RNF31: variants seen among roughly 807,000 people sequenced by gnomAD.
The protein encoded by RNF31 is E3 ubiquitin-protein ligase RNF31.
RNF31 carries 38 observed loss-of-function variants against 133.6 expected under a neutral mutation model. The observed-to-expected ratio is 0.28, with a 90% CI of 0.22 to 0.37. The LOEUF (loss-of-function observed/expected upper bound fraction) is 0.37. Ranked by LOEUF, RNF31 falls within the 10% of genes least tolerant of loss-of-function variation. The pLI is 1.00. For synonymous variants in RNF31, 582 were observed against 552.3 expected, an observed-to-expected ratio of 1.05 and a Z score of -0.75; for missense variants, 1,118 against 1,394.1, an observed-to-expected ratio of 0.80 and a Z score of 3.15.
intron 14 of RNF31, among the ~76,000 whole-genome samples, chr14:24,156,301 G>T (rs758505862): frequency 6.6e-6 from 1 of 151,974 alleles, no homozygotes; most frequent in Admixed American, 6.6e-5. Flanking sequence ...TTTATCTTTC[G>T]TTTATTTATT....
chr14:24,152,867 G>A (rs1025051696), intron 11 of RNF31, among the ~76,000 whole-genome samples: 4 of 152,128 alleles, frequency 2.6e-5, no homozygotes, highest in Non-Finnish European at 5.9e-5. Context: ...CGATCATGAG[G>A]TCAGGAGATC....
intron 15 of RNF31, 26 bp from the exon 16 acceptor site, chr14:24,157,494 C>CAGCCCT (rs746005702): frequency 6.2e-7 from 1 of 1,608,412 alleles, no homozygotes; most frequent in South Asian, 1.1e-5. Flanking sequence ...GCGGCAGCTC[C>CAGCCCT]AGCCCTGACC....
chr14:24,150,642 C>T lies in RNF31; in HGVS notation c.1242C>T (p.Tyr414=), dbSNP rs2139079755. The T allele has an allele frequency of 6.2e-7, 1 of 1,614,204 alleles. No homozygotes were observed. The highest frequency in any genetic ancestry group is 2.2e-5 in the East Asian group (1 of 44,896). Residue 414 remains tyrosine (Y), a synonymous_variant, in exon 8 of 21, where the codon TAC becomes TAT. Coordinates refer to ENST00000324103, the MANE Select transcript of RNF31 (RefSeq NM_017999.5). ...LLASAQSQVW[Y]CIHCTFCNSS... ...CCTCTGCCCAGAGTCAAGTCTGGTA[C>T]TGTATTCACTGTACCTTCTGCAACT...
In RNF31 at chr14:24,157,524, C is replaced by T; in HGVS notation, c.2613C>T (p.Cys871=). 1 of 1,614,026 alleles carries T rather than the reference C, an allele frequency of 6.2e-7. No homozygotes were observed. Among genetic ancestry groups the T allele is most frequent in the South Asian group, 1.1e-5 (1 of 91,088 alleles). Residue 871 remains cysteine, a synonymous_variant, in exon 16 of 21, where the codon TGC becomes TGT. Transcript: ENST00000324103. ...AMYLQENGID[C]PKCKFSYALA... is the part of the protein sequence containing the mutation. Reference sequence around the variant, plus strand: ...CTGACCTCTTGTCCTTTGCAGACTGCCCCAAATGCAAGTTCTCGTACGCCC... The same window carrying T: ...CTGACCTCTTGTCCTTTGCAGACTGTCCCAAATGCAAGTTCTCGTACGCCC...
rs547379151 is a variant in RNF31 at position 24,148,787 on chromosome 14, C to T, written c.556-14C>T. Reference sequence around the variant, plus strand: ...CCCTAAACCCTTATTCATTCCCTGCCCTTTCTTTTTCAGATGCTGCAGCTT... The same window carrying T: ...CCCTAAACCCTTATTCATTCCCTGCTCTTTCTTTTTCAGATGCTGCAGCTT... On this transcript the variant is annotated splice_polypyrimidine_tract_variant and intron_variant, in intron 4 of 20. Transcript: ENST00000324103. The T allele has an allele frequency of 1.2e-5, 19 of 1,614,072 alleles. No homozygotes were observed. The highest frequency in any genetic ancestry group is 1.1e-4 in the South Asian group (10 of 91,086).
intron 6 of RNF31, 49 bp from the exon 7 acceptor site, chr14:24,150,012 C>G: frequency 5.9e-6 from 9 of 1,514,126 alleles, no homozygotes; most frequent in Non-Finnish European, 7.9e-6. Flanking sequence ...GTGAGGGATC[C>G]AGGCACCAGG....
rs766162685 is a variant in RNF31, at chr14:24,155,498, T to C, written c.2389T>C (p.Leu797=). Residue 797 remains leucine (L), a synonymous_variant, in exon 13 of 21, where the codon TTG becomes CTG. Coordinates refer to ENST00000324103, the MANE Select transcript of RNF31 (RefSeq NM_017999.5). This position sits in a 1 kb window ranked among gnomAD's most constrained non-coding sequence, Gnocchi z 4.9. ...TGTGCTGATGCGGGACCCCAAGTTC[T>C]TGTGGTGTGCCCAGGTAAGTGGCCT... ...EGVLMRDPKF[L]WCAQCSFGFI... 1 of 1,614,212 alleles carries C rather than the reference T, an allele frequency of 6.2e-7. No individual in the cohort carries two copies.
Position 24,155,725 on chromosome 14 carries a change from C to T in RNF31, c.2493+33C>T, listed in dbSNP as rs1427599239. 6.4e-7 allele frequency: 1 copy of T among 1,573,458 alleles called. No individual in the cohort carries two copies. The highest frequency in any genetic ancestry group is 1.1e-5 in the South Asian group (1 of 90,142). On this transcript the variant is annotated intron_variant, in intron 14 of 20. Transcript: ENST00000324103. The surrounding 1 kb of genome is among the most constrained non-coding windows in gnomAD (Gnocchi z 4.9). ...ACATTCATCCTTTCAGAAATACTTG[C>T]TGAGCTACTGCCAGGTACTGTGTTA...
intron 2 of RNF31, 30 bp downstream of exon 2, chr14:24,148,152 G>C: frequency 3.7e-6 from 6 of 1,613,736 alleles, no homozygotes; most frequent in Non-Finnish European, 4.2e-6. Flanking sequence ...GGGAGAGGGG[G>C]CTGGGGTTTG....
In RNF31 at chr14:24,158,166, G is replaced by C. The variant is rs765136796; in HGVS notation, c.2866G>C (p.Glu956Gln). 2 of 1,614,132 alleles carry C rather than the reference G, an allele frequency of 1.2e-6. No individual in the cohort carries two copies. The highest frequency in any genetic ancestry group is 2.7e-5 in the African/African-American group (2 of 74,942). The change falls in exon 18 of 21, where the codon GAG (glutamate) becomes CAG (glutamine). Residue 956 changes from glutamate to glutamine, a missense_variant. By Grantham distance (29) the Glu-to-Gln change is conservative (BLOSUM62 2). Transcript: ENST00000324103. ...GGACAATAACGTCATGTTTAATACA[G>C]AGCCTCCAGCTGGGGCCCGGGCAGT... ...LQDNNVMFNT[E>Q]PPAGARAVPG...
intron 3 of RNF31, 77 bp downstream of exon 3, chr14:24,148,490 A>G (rs1555347279): frequency 9.3e-6 from 15 of 1,609,428 alleles, no homozygotes; most frequent in Non-Finnish European, 1.3e-5. Context: ...AAGTTTGAGG[A>G]CCCCCGTGCT....
rs201794587 is a variant in RNF31 at position 24,157,542 on chromosome 14, G to T, written c.2631G>T (p.Ser877=). ...CAGACTGCCCCAAATGCAAGTTCTC[G>T]TACGCCCTGGCCCGAGGAGGCTGCA... ...NGIDCPKCKF[S]YALARGGCMH... is the part of the protein sequence containing the mutation. Residue 877 remains serine (S), a synonymous_variant, in exon 16 of 21, where the codon TCG becomes TCT. Transcript: ENST00000324103. The T allele has an allele frequency of 3.1e-6, 5 of 1,614,138 alleles. No individual in the cohort carries two copies. In the Admixed American group the frequency reaches 5.0e-5, roughly 16 times the overall value.
chr14:24,150,765 A>G lies in RNF31; in HGVS notation c.1365A>G (p.Gly455=). ...CCTATGCCAGCTCTTTGGAAAAGGG[A>G]CCCCCCAAGCCTGGGCCCCCACGAC... ...PRPYASSLEK[G]PPKPGPPRRL... is the part of the protein sequence containing the mutation. Residue 455 remains glycine, a synonymous_variant, in exon 8 of 21, where the codon GGA becomes GGG. Coordinates refer to ENST00000324103, the MANE Select transcript of RNF31 (RefSeq NM_017999.5). 1.9e-6 allele frequency: 3 copies of G among 1,587,608 alleles called. No individual in the cohort carries two copies. The highest frequency in any genetic ancestry group is 2.6e-6 in the Non-Finnish European group (3 of 1,165,850).
intron 6 of RNF31, 91 bp downstream of exon 6, chr14:24,149,674 C>T: frequency 1.5e-6 from 2 of 1,327,228 alleles, no homozygotes; most frequent in South Asian, 1.3e-5. Context: ...GTGCTAAAGA[C>T]TGTTTAATAG....
At chr14:24,148,173 G>A in intron 2 of RNF31, 51 bp downstream of exon 2, 1 of 1,613,378 alleles carries the variant, frequency 6.2e-7, no homozygotes, top group Non-Finnish European at 8.5e-7. Context: ...GCTAGAAAAG[G>A]CCTGAGGTTG....
intron 18 of RNF31, among the ~76,000 whole-genome samples, chr14:24,159,584 C>CAAAAAAAAAAAAAAAAAAAA (rs59295225): frequency 1.2e-5 from 1 of 82,206 alleles, no homozygotes; most frequent in Non-Finnish European, 2.5e-5. Flanking sequence ...AAATAACAAC[C>CAAAAAAAAAAAAAAAAAAAA]AAAAAAAAAA....
In RNF31 at chr14:24,147,731, G is replaced by T. The variant is rs1220414789; in HGVS notation, c.33G>T (p.Leu11=). 3 of 1,550,746 alleles carry T rather than the reference G, an allele frequency of 1.9e-6. No individual in the cohort carries two copies. Among genetic ancestry groups the T allele is most frequent in the Non-Finnish European group, 2.6e-6 (3 of 1,153,526 alleles). Residue 11 remains leucine (L), a synonymous_variant, in exon 1 of 21, where the codon CTG becomes CTT. Transcript: ENST00000324103. Reference sequence around the variant, plus strand: ...GGGAGGAAGAGGAGCGGGCCTTCCTGGTGGCCCGCGAGGAGCTGGCGAGCG... The same window carrying T: ...GGGAGGAAGAGGAGCGGGCCTTCCTTGTGGCCCGCGAGGAGCTGGCGAGCG... MPGEEEERAF[L]VAREELASAL... is the part of the protein sequence containing the mutation.
At chr14:24,152,568 G>A (rs989135823) in intron 11 of RNF31, among the ~76,000 whole-genome samples, 13 of 135,016 alleles carry the variant, frequency 9.6e-5, no homozygotes, top group Admixed American at 5.9e-4. Context: ...ACAGGCACCC[G>A]CCACCACACT....
chr14:24,150,720 A>G lies in RNF31; in HGVS notation c.1320A>G (p.Pro440=), dbSNP rs759067187. 8 of 1,614,116 alleles carry G rather than the reference A, an allele frequency of 5.0e-6. No individual in the cohort carries two copies. The East Asian group carries it at 1.8e-4, about 36-fold the overall frequency. ...GCAACCGGACTAGTAGCCCCATTCC[A>G]GCACAACATGCCCCCCGGCCCTATG... ...VMCNRTSSPI[P]AQHAPRPYAS... is the part of the protein sequence containing the mutation. The change falls in exon 8 of 21, where the codon CCA becomes CCG. Residue 440 remains proline (P), a synonymous_variant. Transcript: ENST00000324103.
Sources: gnomAD v4.1 joint callset for allele counts (sites outside exome capture counted in the v4.1 genomes callset) on GRCh38, gnomAD v4.1.1 for gene constraint, Gnocchi (gnomAD v3.1) non-coding constraint, MANE v1.5 for transcripts, NCBI Gene and HGNC (gene_info 2026-07-23, HGNC 2026-07-21) for gene names.